Variants in GRIA1 observed in about 807,000 individuals in gnomAD.
GRIA1 encodes glutamate receptor 1.
GRIA1 carries 31 observed loss-of-function variants against 99.2 expected under a neutral mutation model. The ratio of observed to expected loss-of-function variants is 0.31; its 90% CI spans 0.23 to 0.42. The LOEUF is 0.42. GRIA1 is among the 10% of genes least tolerant of loss of function. The pLI, the probability that GRIA1 is intolerant of heterozygous loss-of-function variation, is 1.00. For synonymous variants in GRIA1, 438 were observed against 432.4 expected, an observed-to-expected ratio of 1.01 and a Z score of -0.16; for missense variants, 782 against 1,157.5, an observed-to-expected ratio of 0.68 and a Z score of 4.71.
intron 13 of GRIA1, among the ~76,000 whole-genome samples, chr5:153,776,406 G>C (rs1374107995): frequency 6.6e-6 from 1 of 152,058 alleles, no homozygotes; most frequent in Non-Finnish European, 1.5e-5. Context: ...AAAAATACGG[G>C]ATTTACCTCC....
intron 7 of GRIA1, among the ~76,000 whole-genome samples, chr5:153,680,670 G>A (rs1205691550): frequency 6.6e-6 from 1 of 152,140 alleles, no homozygotes; most frequent in Non-Finnish European, 1.5e-5. Context: ...GCATATGGAA[G>A]TGAAGGTATG....
intron 12 of GRIA1, among the ~76,000 whole-genome samples, chr5:153,764,978 G>A (rs895839912): frequency 6.6e-5 from 10 of 152,130 alleles, no homozygotes; most frequent in African/African-American, 1.9e-4. Flanking sequence ...AACAGCTTAC[G>A]GACAACAGCT....
chr5:153,761,440 G>C (rs1413335540), intron 11 of GRIA1, among the ~76,000 whole-genome samples: 1 of 151,954 alleles, frequency 6.6e-6, no homozygotes, highest in Non-Finnish European at 1.5e-5. Context: ...TAATCATCAG[G>C]GAAATACAAA....
intron 11 of GRIA1, among the ~76,000 whole-genome samples, chr5:153,745,865 CT>C (rs1762124771): frequency 6.6e-6 from 1 of 152,140 alleles, no homozygotes; most frequent in Non-Finnish European, 1.5e-5. Flanking sequence ...CACTTCACCT[CT>C]TATGGTCCAT....
intron 5 of GRIA1, among the ~76,000 whole-genome samples, chr5:153,668,258 C>T (rs74558571): frequency 0.021 from 3,253 of 152,312 alleles, 130 homozygotes; most frequent in African/African-American, 0.074. Context: ...GTTTCCCTAT[C>T]TGTACAATAT....
chr5:153,650,376 C>T lies in GRIA1; in HGVS notation c.507C>T (p.Asn169=). 6.2e-7 allele frequency: 1 copy of T among 1,613,992 alleles called. No homozygotes were observed. The highest frequency in any genetic ancestry group is 8.5e-7 in the Non-Finnish European group (1 of 1,179,910). The change falls in exon 4 of 16, where the codon AAC becomes AAT. Residue 169 remains asparagine (N), a synonymous_variant. Transcript: ENST00000285900. ...TCCTGGATACAGCTGCTGAGAAGAA[C>T]TGGCAGGTGACAGCAGTCAACATTT... ...QKVLDTAAEK[N]WQVTAVNILT... is the part of the protein sequence containing the mutation.
intron 2 of GRIA1, among the ~76,000 whole-genome samples, chr5:153,600,418 T>G (rs1468559338): frequency 1.5e-4 from 8 of 54,462 alleles, no homozygotes; most frequent in Non-Finnish European, 2.6e-4. Flanking sequence ...AAAAAAAAAG[T>G]ATGGAGTTTG....
At chr5:153,678,152 C>T (rs528064006) in intron 7 of GRIA1, among the ~76,000 whole-genome samples, 11 of 152,294 alleles carry the variant, frequency 7.2e-5, no homozygotes, top group South Asian at 4.2e-4. Context: ...ACTTTTAAGA[C>T]GACATTCAGC....
Position 153,647,130 on chromosome 5 carries a change from G to T in GRIA1, c.423G>T (p.Lys141Asn), listed in dbSNP as rs1169115687. The T allele has an allele frequency of 6.2e-7, 1 of 1,613,806 alleles. No homozygotes were observed. Among genetic ancestry groups the T allele is most frequent in the Non-Finnish European group, 8.5e-7 (1 of 1,179,918 alleles). ...TCATCAGCATCATTGACCATTACAAGTGGCAGAAATTTGTCTACATTTATG... is the reference window on the plus strand; with the variant it reads ...TCATCAGCATCATTGACCATTACAATTGGCAGAAATTTGTCTACATTTATG... ...DALISIIDHY[K>N]WQKFVYIYDA... The change falls in exon 3 of 16, where the codon AAG (lysine) becomes AAT (asparagine). Residue 141 changes from lysine to asparagine, a missense_variant. By Grantham distance (94) the Lys-to-Asn change is moderately conservative. Coordinates refer to ENST00000285900, the MANE Select transcript of GRIA1 (RefSeq NM_000827.4).
At chr5:153,778,688 T>C (rs867632912) in intron 13 of GRIA1, among the ~76,000 whole-genome samples, 80 of 130,134 alleles carry the variant, frequency 6.1e-4, no homozygotes, top group Middle Eastern at 3.9e-3. Context: ...CACACACACA[T>C]ACACGCACAC....
chr5:153,598,486 A>T (rs1384531436), intron 2 of GRIA1, among the ~76,000 whole-genome samples: 1 of 152,182 alleles, frequency 6.6e-6, no homozygotes, highest in Non-Finnish European at 1.5e-5. Flanking sequence ...AATATAATAG[A>T]TAAGGTGGAA....
intron 2 of GRIA1, among the ~76,000 whole-genome samples, chr5:153,512,252 A>C (rs1756161737): frequency 6.6e-6 from 1 of 152,112 alleles, no homozygotes; most frequent in Non-Finnish European, 1.5e-5. Flanking sequence ...TTATAAAGAG[A>C]TTTGGTGACT....
At chr5:153,496,711 G>A (rs2113208741) in intron 2 of GRIA1, among the ~76,000 whole-genome samples, 1 of 152,168 alleles carries the variant, frequency 6.6e-6, no homozygotes, top group Non-Finnish European at 1.5e-5. Flanking sequence ...AATGTCAGTG[G>A]GAGCAAAGCA....
At chr5:153,547,748 A>G (rs1006236881) in intron 2 of GRIA1, among the ~76,000 whole-genome samples, 5 of 152,182 alleles carry the variant, frequency 3.3e-5, no homozygotes, top group African/African-American at 1.2e-4. Flanking sequence ...TCCATGTAGC[A>G]GAGCTCAGAC....
chr5:153,729,394 A>C (rs1760840589), intron 11 of GRIA1, among the ~76,000 whole-genome samples: 1 of 152,030 alleles, frequency 6.6e-6, no homozygotes, highest in Non-Finnish European at 1.5e-5. Flanking sequence ...TAATAATAAA[A>C]TAAAATTAAT....
intron 2 of GRIA1, among the ~76,000 whole-genome samples, chr5:153,514,647 T>G (rs1756437134): frequency 6.6e-6 from 1 of 152,236 alleles, no homozygotes; most frequent in Non-Finnish European, 1.5e-5. Context: ...TTGTTTTTGC[T>G]TAAAATTGCT....
intron 13 of GRIA1, among the ~76,000 whole-genome samples, chr5:153,781,789 A>G (rs1288064052): frequency 6.6e-6 from 1 of 152,228 alleles, no homozygotes; most frequent in Non-Finnish European, 1.5e-5. Context: ...GACCATGGTC[A>G]TGCAATTTAT....
chr5:153,766,457 C>G (rs903657123), intron 12 of GRIA1, among the ~76,000 whole-genome samples: 3 of 152,310 alleles, frequency 2.0e-5, no homozygotes, highest in South Asian at 2.1e-4. Context: ...TGCACCAGTC[C>G]TCAAAGTACT....
At chr5:153,548,389 C>T (rs1759802525) in intron 2 of GRIA1, among the ~76,000 whole-genome samples, 1 of 152,128 alleles carries the variant, frequency 6.6e-6, no homozygotes, top group Non-Finnish European at 1.5e-5. Context: ...AGAACTTCAT[C>T]ATTTGGGGTC....
Sources: gnomAD v4.1 joint callset for allele counts (sites outside exome capture counted in the v4.1 genomes callset) on GRCh38, gnomAD v4.1.1 for gene constraint, MANE v1.5 for transcripts, NCBI Gene and HGNC (gene_info 2026-07-23, HGNC 2026-07-21) for gene names.